The following FEN1 variants were observed in gnomAD, a reference collection of about 807,000 sequenced individuals.
FEN1 encodes the protein flap structure-specific endonuclease 1, also known as flap endonuclease 1.
A neutral mutation model predicts 24.7 loss-of-function variants in FEN1; 19 were observed. That is an observed-to-expected ratio of 0.77 (90% confidence interval 0.54 to 1.13). The LOEUF (loss-of-function observed/expected upper bound fraction) is 1.13. FEN1 is among the 50% of genes most tolerant of loss of function. FEN1 has a pLI of 0.00. For missense variants in FEN1, 339 were observed against 488.7 expected, an observed-to-expected ratio of 0.69 and a Z score of 2.89; for synonymous variants, 155 against 189.2, an observed-to-expected ratio of 0.82 and a Z score of 1.48.
rs557894709 is a variant in FEN1, at chr11:61,794,270, G to C, written c.-21-1071G>C. Among the ~76,000 whole-genome samples, 20 of 152,254 alleles carry C rather than the reference G, an allele frequency of 1.3e-4. No individual in the cohort carries two copies. The Middle Eastern group carries it at 0.01, about 78-fold the overall frequency. On this transcript the variant is annotated intron_variant, in intron 1 of 1. Transcript: ENST00000305885. ...CGGCTCACTGCATTCTCTGCCTCCT[G>C]GGTTCAAGCGATTCTCCTGCCTCAG...
chr11:61,794,780 G>A (rs534783827), intron 1 of FEN1, among the ~76,000 whole-genome samples: 1 of 152,190 alleles, frequency 6.6e-6, no homozygotes, highest in African/African-American at 2.4e-5. Flanking sequence ...TATAATAAAA[G>A]TAGAAACTCT....
At position 61,795,958 on chromosome 11, in the gene FEN1, C is replaced by A; in HGVS notation, c.597C>A (p.Ala199=). ...TGCGACACCTGACTGCCAGTGAAGC[C>A]AAAAAGCTGCCAATCCAGGAATTCC... ...VLMRHLTASE[A]KKLPIQEFHL... The change falls in exon 2 of 2, where the codon GCC becomes GCA. Residue 199 remains alanine, a synonymous_variant. Coordinates refer to ENST00000305885, the MANE Select transcript of FEN1 (RefSeq NM_004111.6). The surrounding 1 kb of genome is among the most constrained non-coding windows in gnomAD (Gnocchi z 4.1). 9 of 1,614,144 alleles carry A rather than the reference C, an allele frequency of 5.6e-6. No homozygotes were observed. Among genetic ancestry groups the A allele is most frequent in the Non-Finnish European group, 7.6e-6 (9 of 1,180,032 alleles).
chr11:61,796,754 C>T lies in FEN1; in HGVS notation c.*250C>T. ...CACTTCTCAGGCAGTTTAATGGACA[C>T]TAAGTCCATTGTTACATGAAAGTGA... On this transcript the variant is annotated 3_prime_UTR_variant, in exon 2 of 2. Coordinates refer to ENST00000305885, the MANE Select transcript of FEN1 (RefSeq NM_004111.6). 2.0e-6 allele frequency: 1 copy of T among 500,708 alleles called. No individual in the cohort carries two copies. Among genetic ancestry groups the T allele is most frequent in the Non-Finnish European group, 3.7e-6 (1 of 273,724 alleles). The allele number at this position is 500,708 out of a possible 1,614,324, so 31.0% of individuals were successfully genotyped here. A position where few individuals can be genotyped will look rare whatever the true frequency, so the allele number is the denominator to read the frequency against.
In FEN1 at chr11:61,794,957, G is replaced by A. The variant is rs563657840; in HGVS notation, c.-21-384G>A. Reference sequence around the variant, plus strand: ...GTTTGTTTAGCTGGTGTATTTGCCTGTCTTTCAGGTCTGCCATTATGGTCC... The same window carrying A: ...GTTTGTTTAGCTGGTGTATTTGCCTATCTTTCAGGTCTGCCATTATGGTCC... On this transcript the variant is annotated intron_variant, in intron 1 of 1. Transcript: ENST00000305885. Among the ~76,000 whole-genome samples the A allele has an allele frequency of 2.0e-5, 3 of 152,274 alleles. No homozygotes were observed. The South Asian group carries it at 6.2e-4, about 32-fold the overall frequency.
Position 61,797,180 on chromosome 11 carries a change from C to CA in FEN1, c.*677dup, listed in dbSNP as rs2066824974. ...GACTTTGGAATAAGACACTGGTTTT[C>CA]ATGCGCTGTTTTTGTTTTAAAGTTA... On this transcript the variant is annotated 3_prime_UTR_variant, in exon 2 of 2. Transcript: ENST00000305885. The CA allele has an allele frequency of 6.0e-6, 1 of 167,234 alleles. No individual in the cohort carries two copies. Among genetic ancestry groups the CA allele is most frequent in the African/African-American group, 2.4e-5 (1 of 41,446 alleles). 10.4% of individuals were successfully genotyped at this position (167,234 alleles called of 1,614,324 possible).
chr11:61,794,533 T>A (rs2066809285), intron 1 of FEN1, among the ~76,000 whole-genome samples: 1 of 152,106 alleles, frequency 6.6e-6, no homozygotes, highest in Admixed American at 6.6e-5. Context: ...TTAAAAAAAA[T>A]TCTAAGTGAA....
Position 61,796,676 on chromosome 11 carries a change from G to A in FEN1, c.*172G>A, listed in dbSNP as rs1487536671. The A allele has an allele frequency of 2.8e-6, 2 of 724,036 alleles. No homozygotes were observed. Among genetic ancestry groups the A allele is most frequent in the East Asian group, 5.6e-5 (2 of 35,846 alleles). The allele number at this position is 724,036 out of a possible 1,614,324, so 44.9% of individuals were successfully genotyped here. A position where few individuals can be genotyped will look rare whatever the true frequency, so the allele number is the denominator to read the frequency against. On this transcript the variant is annotated 3_prime_UTR_variant, in exon 2 of 2. Transcript: ENST00000305885. ...TTTACTTGATCTTAATGGCAAGAAGGCCACAGAGGTACTTTTCCTTTTTTA... is the reference window on the plus strand; with the variant it reads ...TTTACTTGATCTTAATGGCAAGAAGACCACAGAGGTACTTTTCCTTTTTTA...
In FEN1 at chr11:61,795,465, C is replaced by T. The variant is rs899549369; in HGVS notation, c.104C>T (p.Ala35Val). 6.2e-7 allele frequency: 1 copy of T among 1,614,086 alleles called. No homozygotes were observed. The highest frequency in any genetic ancestry group is 1.3e-5 in the African/African-American group (1 of 74,910). ...TTTGGCCGTAAGGTGGCCATTGATG[C>T]CTCTATGAGCATTTATCAGTTCCTG... ...SYFGRKVAID[A>V]SMSIYQFLIA... The change falls in exon 2 of 2, where the codon GCC becomes GTC. Residue 35 changes from alanine (A) to valine (V), a missense_variant. Physicochemically the swap from Ala to Val is moderately conservative, Grantham distance 64 (BLOSUM62 0). Around this residue, in one of 3 missense-constraint regions of FEN1, gnomAD observed 216 missense variants for 329.7 expected, o/e 0.66. Coordinates refer to ENST00000305885, the MANE Select transcript of FEN1 (RefSeq NM_004111.6). This position sits in a 1 kb window ranked among gnomAD's most constrained non-coding sequence, Gnocchi z 4.1.
chr11:61,793,079 TG>T, intron 1 of FEN1, 51 bp downstream of exon 1: 1 of 160,330 alleles, frequency 6.2e-6, no homozygotes, highest in Non-Finnish European at 1.4e-5. Context: ...CGCTTGGCGC[TG>T]GGGGCCGTGG....
rs931270705 is a variant in FEN1 at position 61,796,620 on chromosome 11, C to T, written c.*116C>T. 27 of 1,180,526 alleles carry T rather than the reference C, an allele frequency of 2.3e-5. 1 individual carries two copies. In the South Asian group the frequency reaches 2.8e-4, roughly 12 times the overall value. The allele number at this position is 1,180,526 out of a possible 1,614,324, so 73.1% of individuals were successfully genotyped here. A position where few individuals can be genotyped will look rare whatever the true frequency, so the allele number is the denominator to read the frequency against. Reference sequence around the variant, plus strand: ...AGAGAGGATTCTAAGGCTTTTCTAGCGTGACCCTTTTCAGTAGTGCTAGTC... The same window carrying T: ...AGAGAGGATTCTAAGGCTTTTCTAGTGTGACCCTTTTCAGTAGTGCTAGTC... On this transcript the variant is annotated 3_prime_UTR_variant, in exon 2 of 2. Transcript: ENST00000305885.
In FEN1 at chr11:61,796,075, C is replaced by T. The variant is rs528371679; in HGVS notation, c.714C>T (p.Ile238=). Residue 238 remains isoleucine, a synonymous_variant, in exon 2 of 2, where the codon ATC becomes ATT. Coordinates refer to ENST00000305885, the MANE Select transcript of FEN1 (RefSeq NM_004111.6). ...ILLGSDYCES[I]RGIGPKRAVD... Reference sequence around the variant, plus strand: ...TAGGCAGTGACTACTGTGAGAGTATCCGGGGTATTGGGCCCAAGCGGGCTG... The same window carrying T: ...TAGGCAGTGACTACTGTGAGAGTATTCGGGGTATTGGGCCCAAGCGGGCTG... 9 of 1,614,160 alleles carry T rather than the reference C, an allele frequency of 5.6e-6. No homozygotes were observed. In the South Asian group the frequency reaches 8.8e-5, roughly 16 times the overall value.
In FEN1 at chr11:61,795,484, G is replaced by C. The variant is rs746376478; in HGVS notation, c.123G>C (p.Gln41His). The C allele has an allele frequency of 7.4e-6, 12 of 1,614,112 alleles. No homozygotes were observed. In the African/African-American group the frequency reaches 1.5e-4, roughly 20 times the overall value. ...TTGATGCCTCTATGAGCATTTATCA[G>C]TTCCTGATTGCTGTTCGCCAGGGTG... ...VAIDASMSIYQFLIAVRQGGD... is the reference protein window; with the variant it reads ...VAIDASMSIYHFLIAVRQGGD... Residue 41 changes from glutamine to histidine, a missense_variant, in exon 2 of 2, where the codon CAG (glutamine) becomes CAC (histidine). Physicochemically the swap from Gln to His is conservative, Grantham distance 24 (BLOSUM62 0). Transcript: ENST00000305885. This position sits in a 1 kb window ranked among gnomAD's most constrained non-coding sequence, Gnocchi z 4.1.
Position 61,796,589 on chromosome 11 carries a change from G to A in FEN1, c.*85G>A. On this transcript the variant is annotated 3_prime_UTR_variant, in exon 2 of 2. Transcript: ENST00000305885. ...AGCTACAGCTAGAGAAACCTTCACGGGGTGGAGAGAGGATTCTAAGGCTTT... is the reference window on the plus strand; with the variant it reads ...AGCTACAGCTAGAGAAACCTTCACGAGGTGGAGAGAGGATTCTAAGGCTTT... 7.1e-7 allele frequency: 1 copy of A among 1,402,872 alleles called. No homozygotes were observed. The highest frequency in any genetic ancestry group is 9.5e-7 in the Non-Finnish European group (1 of 1,053,116). The allele number at this position is 1,402,872 out of a possible 1,614,324, so 86.9% of individuals were successfully genotyped here.
In FEN1 at chr11:61,796,581, C is replaced by A. The variant is rs1352135546; in HGVS notation, c.*77C>A. 1 of 1,430,048 alleles carries A rather than the reference C, an allele frequency of 7.0e-7. No individual in the cohort carries two copies. Among genetic ancestry groups the A allele is most frequent in the Admixed American group, 2.7e-5 (1 of 37,732 alleles). The allele number at this position is 1,430,048 out of a possible 1,614,324, so 88.6% of individuals were successfully genotyped here. ...CCCTTAAGAGCTACAGCTAGAGAAACCTTCACGGGGTGGAGAGAGGATTCT... is the reference window on the plus strand; with the variant it reads ...CCCTTAAGAGCTACAGCTAGAGAAAACTTCACGGGGTGGAGAGAGGATTCT... On this transcript the variant is annotated 3_prime_UTR_variant, in exon 2 of 2. Coordinates refer to ENST00000305885, the MANE Select transcript of FEN1 (RefSeq NM_004111.6).
rs573329437 is a variant in FEN1 at position 61,795,203 on chromosome 11, C to T, written c.-21-138C>T. 9.8e-4 allele frequency: 691 copies of T among 701,600 alleles called. 1 individual carries two copies. Among genetic ancestry groups the T allele is most frequent in the Non-Finnish European group, 1.4e-3 (633 of 443,988 alleles). The allele number at this position is 701,600 out of a possible 1,614,324, so 43.5% of individuals were successfully genotyped here. A position where few individuals can be genotyped will look rare whatever the true frequency, so the allele number is the denominator to read the frequency against. ...GTTTTTTGAGAATGGGGACCTTGTT[C>T]ATCTTTTTATCTTTAGCAGTGCTGA... On this transcript the variant is annotated intron_variant, in intron 1 of 1. Transcript: ENST00000305885. The surrounding 1 kb of genome is among the most constrained non-coding windows in gnomAD (Gnocchi z 4.1).
In FEN1 at chr11:61,795,374, G is replaced by A; in HGVS notation, c.13G>A (p.Gly5Ser). 6.2e-7 allele frequency: 1 copy of A among 1,602,312 alleles called. No homozygotes were observed. Among genetic ancestry groups the A allele is most frequent in the Non-Finnish European group, 8.5e-7 (1 of 1,172,064 alleles). The change falls in exon 2 of 2, where the codon GGC (glycine) becomes AGC (serine). Residue 5 changes from glycine to serine, a missense_variant. Coordinates refer to ENST00000305885, the MANE Select transcript of FEN1 (RefSeq NM_004111.6). The surrounding 1 kb of genome is among the most constrained non-coding windows in gnomAD (Gnocchi z 4.1). MGIQ[G>S]LAKLIADVAP... ...CCTCTGTGTTGCCATGGGAATTCAA[G>A]GCCTGGCCAAACTAATTGCTGATGT... is the stretch of plus-strand genomic sequence containing the variant.
Position 61,795,994 on chromosome 11 carries a change from G to C in FEN1, c.633G>C (p.Arg211=). The part of the protein sequence containing the change: ...KLPIQEFHLS[R]ILQELGLNQE... ...CAATCCAGGAATTCCACCTGAGCCG[G>C]ATTCTGCAGGAGCTGGGCCTGAACC... Residue 211 remains arginine (R), a synonymous_variant, in exon 2 of 2, where the codon CGG becomes CGC. Transcript: ENST00000305885. The surrounding 1 kb of genome is among the most constrained non-coding windows in gnomAD (Gnocchi z 4.1). 1 of 1,614,232 alleles carries C rather than the reference G, an allele frequency of 6.2e-7. No homozygotes were observed. The highest frequency in any genetic ancestry group is 8.5e-7 in the Non-Finnish European group (1 of 1,180,050).
Position 61,796,735 on chromosome 11 carries a change from T to C in FEN1, c.*231T>C. On this transcript the variant is annotated 3_prime_UTR_variant, in exon 2 of 2. Coordinates refer to ENST00000305885, the MANE Select transcript of FEN1 (RefSeq NM_004111.6). ...AAATATGTCAGGCTCAAACCACTTC[T>C]CAGGCAGTTTAATGGACACTAAGTC... The C allele has an allele frequency of 1.8e-6, 1 of 546,662 alleles. No homozygotes were observed. Among genetic ancestry groups the C allele is most frequent in the Non-Finnish European group, 3.3e-6 (1 of 301,922 alleles). The allele number at this position is 546,662 out of a possible 1,614,324, so 33.9% of individuals were successfully genotyped here.
rs184439585 is a variant in FEN1, at chr11:61,795,150, T to G, written c.-21-191T>G. On this transcript the variant is annotated intron_variant, in intron 1 of 1. Transcript: ENST00000305885. This position sits in a 1 kb window ranked among gnomAD's most constrained non-coding sequence, Gnocchi z 4.1. ...ATTTCTGGTACTCGTTGAGCCTTACTATTGAGTAAATTCTCCTGCTAGACT... is the reference window on the plus strand; with the variant it reads ...ATTTCTGGTACTCGTTGAGCCTTACGATTGAGTAAATTCTCCTGCTAGACT... Among the ~76,000 whole-genome samples the G allele has an allele frequency of 7.2e-5, 11 of 152,358 alleles. No homozygotes were observed. In the East Asian group the frequency reaches 2.1e-3, roughly 29 times the overall value.
Sources: gnomAD v4.1 joint callset for allele counts (sites outside exome capture counted in the v4.1 genomes callset) on GRCh38, gnomAD v4.1.1 for gene constraint, gnomAD v4.1.1 regional missense constraint, Gnocchi (gnomAD v3.1) non-coding constraint, MANE v1.5 for transcripts, NCBI Gene and HGNC (gene_info 2026-07-23, HGNC 2026-07-21) for gene names.